Variants in ADD1 observed in about 807,000 individuals in gnomAD.
ADD1 encodes the protein adducin 1.
A neutral mutation model predicts 80.5 loss-of-function variants in ADD1; 24 were observed. The observed-to-expected ratio is 0.30, with a 90% confidence interval of 0.22 to 0.42. The LOEUF (loss-of-function observed/expected upper bound fraction) is 0.42, where lower values mean the gene tolerates loss of function less well. ADD1 is among the 10% of genes least tolerant of loss of function. The probability of loss-of-function intolerance (pLI) is 1.00; values close to 1 mark genes in which losing one functional copy is unlikely to be tolerated. For missense variants in ADD1, 948 were observed against 1,019.0 expected (o/e 0.93, Z 0.95); for synonymous variants, 373 against 393.8 (o/e 0.95, Z 0.63).
chr4:2,893,654 T>C (rs1734681360), intron 4 of ADD1, among the ~76,000 whole-genome samples: 1 of 152,090 alleles, frequency 6.6e-6, no homozygotes, highest in Non-Finnish European at 1.5e-5. Context: ...TTTTCATTAT[T>C]ATATCCCTGA....
intron 14 of ADD1, among the ~76,000 whole-genome samples, chr4:2,924,804 T>A (rs1740694055): frequency 6.6e-6 from 1 of 152,232 alleles, no homozygotes; most frequent in African/African-American, 2.4e-5. Flanking sequence ...TTACCTGCCT[T>A]AGAGCGAGAA....
At chr4:2,918,370 T>C (rs1013162262) in intron 14 of ADD1, among the ~76,000 whole-genome samples, 5 of 152,240 alleles carry the variant, frequency 3.3e-5, no homozygotes, top group African/African-American at 1.2e-4. Flanking sequence ...TTTTGTATCT[T>C]GAGACTTTGC....
At chr4:2,914,811 C>T (rs963876300) in intron 13 of ADD1, 73 bp from the exon 14 acceptor site, 1 of 1,513,472 alleles carries the variant, frequency 6.6e-7, no homozygotes, top group Non-Finnish European at 8.8e-7. Flanking sequence ...GCCCTGCCTG[C>T]AGCCTGCCTG....
chr4:2,916,988 G>A (rs551593982), intron 14 of ADD1, among the ~76,000 whole-genome samples: 6 of 152,240 alleles, frequency 3.9e-5, no homozygotes, highest in Non-Finnish European at 7.4e-5. Flanking sequence ...TAGTGGTGCA[G>A]TACACATATG....
chr4:2,901,849 T>TA (rs1553845578), intron 9 of ADD1: 1 of 144,642 alleles, frequency 6.9e-6, no homozygotes, highest in African/African-American at 2.6e-5. Flanking sequence ...TGCTAAATTG[T>TA]CCCCCCCCCA....
At chr4:2,910,636 C>T (rs1737867921) in intron 13 of ADD1, among the ~76,000 whole-genome samples, 1 of 151,702 alleles carries the variant, frequency 6.6e-6, no homozygotes, top group Admixed American at 6.6e-5. Flanking sequence ...GCACTGAGGA[C>T]CTTGTTAGGG....
chr4:2,858,209 T>A (rs141285476), intron 1 of ADD1, among the ~76,000 whole-genome samples: 96 of 152,344 alleles, frequency 6.3e-4, no homozygotes, highest in Middle Eastern at 3.4e-3. Context: ...TCTTCTGGTG[T>A]CCTTTTTAAA....
In ADD1 at chr4:2,879,222, T is replaced by C. The variant is rs189083794; in HGVS notation, c.196-2676T>C. ...AGCCAAACGTTAAGATCCAGATTGGTGGCTCCAGGCCCTCACTCAGGACTA... is the reference window on the plus strand; with the variant it reads ...AGCCAAACGTTAAGATCCAGATTGGCGGCTCCAGGCCCTCACTCAGGACTA... On this transcript the variant is annotated intron_variant, in intron 2 of 15. Coordinates refer to ENST00000683351, the MANE Select transcript of ADD1 (RefSeq NM_001354761.2). Among the ~76,000 whole-genome samples the C allele has an allele frequency of 2.6e-3, 393 of 152,290 alleles. 1 individual carries two copies. Among genetic ancestry groups the C allele is most frequent in the Non-Finnish European group, 4.6e-3 (314 of 68,032 alleles).
intron 6 of ADD1, among the ~76,000 whole-genome samples, chr4:2,896,789 C>T (rs769455138): frequency 2.6e-5 from 4 of 152,078 alleles, no homozygotes; most frequent in Non-Finnish European, 5.9e-5. Flanking sequence ...GACAGGATCT[C>T]ACCCTGTCTC....
chr4:2,927,532 A>G (rs1712028202), intron 15 of ADD1, among the ~76,000 whole-genome samples: 1 of 152,240 alleles, frequency 6.6e-6, no homozygotes, highest in Non-Finnish European at 1.5e-5. Flanking sequence ...AGTGCAAGGA[A>G]GGCGCCCCCA....
At chr4:2,853,106 A>G (rs1011379867) in intron 1 of ADD1, 2 of 143,044 alleles carry the variant, frequency 1.4e-5, no homozygotes, top group South Asian at 2.2e-4. Flanking sequence ...TTGGTCACTT[A>G]CTTTTTTTTT....
chr4:2,864,879 G>A (rs1342089306), intron 1 of ADD1, among the ~76,000 whole-genome samples: 1 of 152,026 alleles, frequency 6.6e-6, no homozygotes, highest in Non-Finnish European at 1.5e-5. Flanking sequence ...TGAACTCCTG[G>A]ACCCCATTGT....
At chr4:2,850,910 G>A (rs1726984477) in intron 1 of ADD1, among the ~76,000 whole-genome samples, 1 of 152,196 alleles carries the variant, frequency 6.6e-6, no homozygotes, top group Non-Finnish European at 1.5e-5. Context: ...TAGATTTGGG[G>A]TTGACTGGGG....
In ADD1 at chr4:2,876,043, C is replaced by G. The variant is rs760207694; in HGVS notation, c.128C>G (p.Pro43Arg). 1.2e-6 allele frequency: 2 copies of G among 1,614,038 alleles called. No homozygotes were observed. The highest frequency in any genetic ancestry group is 1.7e-6 in the Non-Finnish European group (2 of 1,179,968). ...PEYLRERNMA[P>R]DLRQDFNMME... ...TACTTGAGGGAGAGGAACATGGCAC[C>G]AGACCTTCGCCAGGACTTCAACATG... The change falls in exon 2 of 16, where the codon CCA becomes CGA. Residue 43 changes from proline to arginine, a missense_variant. Transcript: ENST00000683351.
rs772349539 is a variant in ADD1 at position 2,926,698 on chromosome 4, T to C, written c.2047+586T>C. The C allele has an allele frequency of 2.5e-6, 4 of 1,611,754 alleles. No individual in the cohort carries two copies. The highest frequency in any genetic ancestry group is 3.4e-6 in the Non-Finnish European group (4 of 1,178,190). The stretch of plus-strand genomic sequence containing the variant: ...CTAGTAAGTACCGTGCTGCCTCCGC[T>C]CTCCACCGGTGCCCTGCGCTTTGCC... On this transcript the variant is annotated intron_variant, in intron 15 of 15. Transcript: ENST00000683351. The surrounding 1 kb of genome is among the most constrained non-coding windows in gnomAD (Gnocchi z 5.0).
chr4:2,927,938 C>T (rs527613489), intron 15 of ADD1, among the ~76,000 whole-genome samples: 60 of 152,292 alleles, frequency 3.9e-4, no homozygotes, highest in African/African-American at 1.4e-3. Context: ...GTGTTGTCAG[C>T]ACACTGCCCA....
At chr4:2,852,262 C>CTCTTTCTTTCT (rs1560139023) in intron 1 of ADD1, among the ~76,000 whole-genome samples, 1 of 78,132 alleles carries the variant, frequency 1.3e-5, no homozygotes, top group African/African-American at 4.3e-5. Flanking sequence ...TCTTTCTTTC[C>CTCTTTCTTTCT]TTCCTTCCTT....
chr4:2,899,431 A>G lies in ADD1; in HGVS notation c.1157A>G (p.Asn386Ser). Residue 386 changes from asparagine to serine, a missense_variant, in exon 9 of 16, where the codon AAT (asparagine) becomes AGT (serine). Transcript: ENST00000683351. The part of the protein sequence containing the change: ...EFEALMRMLD[N>S]LGYRTGYPYR... The stretch of plus-strand genomic sequence containing the variant: ...GAAGCCCTCATGCGGATGCTCGATA[A>G]TCTGGTAAGAATGGTGCCACCACTT... The G allele has an allele frequency of 6.2e-7, 1 of 1,614,180 alleles. No homozygotes were observed. Among genetic ancestry groups the G allele is most frequent in the South Asian group, 1.1e-5 (1 of 91,080 alleles).
chr4:2,892,447 T>C (rs1734451642), intron 4 of ADD1, among the ~76,000 whole-genome samples: 2 of 152,250 alleles, frequency 1.3e-5, no homozygotes. Context: ...AAACCAAATC[T>C]GCATTGAATT....
Sources: allele counts gnomAD v4.1 joint callset (sites outside exome capture counted in the v4.1 genomes callset), GRCh38; gene constraint gnomAD v4.1.1; non-coding constraint Gnocchi (gnomAD v3.1); transcripts MANE v1.5; gene names NCBI Gene and HGNC (gene_info 2026-07-23, HGNC 2026-07-21).